Variants in B3GALNT2 observed in about 807,000 individuals in gnomAD.
B3GALNT2 encodes UDP-GalNAc:beta-1,3-N-acetylgalactosaminyltransferase 2.
B3GALNT2 carries 53 observed loss-of-function variants against 61.1 expected under a neutral mutation model. The observed-to-expected ratio is 0.87, with a 90% CI of 0.70 to 1.09. B3GALNT2 has a LOEUF of 1.09. Ranked by LOEUF, B3GALNT2 falls within the 50% of genes least tolerant of loss-of-function variation. The pLI is 0.00. For synonymous variants in B3GALNT2, 223 were observed against 237.4 expected (o/e 0.94, Z 0.56); for missense variants, 544 against 623.0 (o/e 0.87, Z 1.35).
downstream of B3GALNT2, chr1:235,442,843 C>T (rs779754010): frequency 6.2e-7 from 1 of 1,613,514 alleles, no homozygotes; most frequent in Non-Finnish European, 8.5e-7. Context: ...TTCTTTGTTT[C>T]TCTTAAAGCA....
At position 235,456,453 on chromosome 1, in the gene B3GALNT2, T is replaced by C. The variant is rs80238212; in HGVS notation, c.1026-769A>G. On this transcript the variant is annotated intron_variant, in intron 8 of 11. Coordinates refer to ENST00000366600, the MANE Select transcript of B3GALNT2 (RefSeq NM_152490.5). The stretch of plus-strand genomic sequence containing the variant: ...CCAAGAATGGTGAATTTAACAATAA[T>C]GGGTCCACACCAAATAGCATCACCC... Among the ~76,000 whole-genome samples the C allele has an allele frequency of 2.9e-3, 443 of 152,302 alleles. 2 individuals carry two copies. The highest frequency in any genetic ancestry group is 0.01 in the African/African-American group (434 of 41,574).
chr1:235,490,479 C>T (rs1434969994), intron 2 of B3GALNT2, among the ~76,000 whole-genome samples: 1 of 152,130 alleles, frequency 6.6e-6, no homozygotes, highest in Non-Finnish European at 1.5e-5. Flanking sequence ...GATCTGCCTG[C>T]CTTGGCCTCC....
Position 235,489,268 on chromosome 1 carries a change from A to C in B3GALNT2, c.261T>G (p.Arg87=). The C allele has an allele frequency of 6.2e-7, 1 of 1,613,478 alleles. No individual in the cohort carries two copies. The highest frequency in any genetic ancestry group is 8.5e-7 in the Non-Finnish European group (1 of 1,179,792). Residue 87 remains arginine (R), a splice_region_variant and synonymous_variant, in exon 3 of 12, where the codon CGT becomes CGG. Transcript: ENST00000366600. ...CACCTATTATGAACTTCACAAGCAC[A>C]CTGAGAGATGTGTTGGCATTAACAT... The part of the protein sequence containing the change: ...HLLQHPTLSQ[R]VLVKFIIGAH...
the B3GALNT2 span, among the ~76,000 whole-genome samples, chr1:235,439,897 G>C: frequency 6.6e-6 from 1 of 152,082 alleles, no homozygotes; most frequent in Admixed American, 6.5e-5. Flanking sequence ...CACCTCCTGG[G>C]TTCAAGTGAT....
In B3GALNT2 at chr1:235,504,216, G is replaced by C. The variant is rs895894076; in HGVS notation, c.37C>G (p.Leu13Val). 5.5e-6 allele frequency: 8 copies of C among 1,464,388 alleles called. No homozygotes were observed. Among genetic ancestry groups the C allele is most frequent in the South Asian group, 3.9e-5 (3 of 77,400 alleles). 90.7% of individuals were successfully genotyped at this position (1,464,388 alleles called of 1,614,324 possible). ...NWLVLLCPCV[L>V]GAALHLWLRL... ...AGCCAGAGGTGCAGCGCGGCCCCGA[G>C]CACACACGGGCACAGCAGCACCAGC... The change falls in exon 1 of 12, where the codon CTC becomes GTC. Residue 13 changes from leucine to valine, a missense_variant. Leu to Val is a conservative substitution (Grantham distance 32, BLOSUM62 1). Transcript: ENST00000366600.
chr1:235,490,144 A>T (rs1558438012), intron 2 of B3GALNT2, among the ~76,000 whole-genome samples: 2 of 151,680 alleles, frequency 1.3e-5, no homozygotes, highest in Admixed American at 1.3e-4. Flanking sequence ...CAATCTACTC[A>T]TTTTTTTTAC....
chr1:235,498,343 A>G (rs1000624741), intron 1 of B3GALNT2, among the ~76,000 whole-genome samples: 1 of 152,236 alleles, frequency 6.6e-6, no homozygotes, highest in Admixed American at 6.5e-5. Flanking sequence ...AACATGATAC[A>G]GAAGGACATA....
intron 1 of B3GALNT2, among the ~76,000 whole-genome samples, chr1:235,499,608 CAA>C (rs1173779100): frequency 3.3e-5 from 5 of 152,080 alleles, no homozygotes; most frequent in African/African-American, 1.2e-4. Context: ...AAATCACTGA[CAA>C]GAGATGGACA....
chr1:235,471,031 G>C, intron 5 of B3GALNT2, 71 bp from the exon 6 acceptor site: 1 of 1,560,520 alleles, frequency 6.4e-7, no homozygotes, highest in South Asian at 1.2e-5. Context: ...ATGCTTTCAG[G>C]CAAGATTTTT....
intron 5 of B3GALNT2, among the ~76,000 whole-genome samples, chr1:235,473,962 T>A (rs552018044): frequency 2.0e-5 from 3 of 152,208 alleles, no homozygotes; most frequent in African/African-American, 7.2e-5. Context: ...TAGGCTATGA[T>A]ACAACAAACA....
At chr1:235,504,113 G>T in intron 1 of B3GALNT2, 28 bp downstream of exon 1, 1 of 1,143,756 alleles carries the variant, frequency 8.7e-7, no homozygotes. Flanking sequence ...CCCGGCGGCC[G>T]CCAACCCGCC....
At chr1:235,457,674 G>C (rs1683229472) in intron 8 of B3GALNT2, among the ~76,000 whole-genome samples, 1 of 152,110 alleles carries the variant, frequency 6.6e-6, no homozygotes, top group East Asian at 1.9e-4. Context: ...TTTAGAATCA[G>C]GGAGGTAGTT....
chr1:235,495,211 T>C (rs2102864080), intron 1 of B3GALNT2, among the ~76,000 whole-genome samples: 1 of 152,356 alleles, frequency 6.6e-6, no homozygotes, highest in Admixed American at 6.5e-5. Flanking sequence ...GTTATTTAGC[T>C]TCTTGAGCCT....
At chr1:235,470,701 A>G in intron 6 of B3GALNT2, 149 bp downstream of exon 6, 1 of 1,233,680 alleles carries the variant, frequency 8.1e-7, no homozygotes, top group Non-Finnish European at 1.1e-6. Context: ...TTTACTATGA[A>G]GACAACAACA....
At chr1:235,475,385 GCTACA>G (rs1276130982) in intron 5 of B3GALNT2, among the ~76,000 whole-genome samples, 1 of 152,066 alleles carries the variant, frequency 6.6e-6, no homozygotes. Flanking sequence ...GCTTCAGTGA[GCTACA>G]CAATGAAAAC....
intron 1 of B3GALNT2, among the ~76,000 whole-genome samples, 187 bp downstream of exon 1, chr1:235,503,954 A>G (rs1685705340): frequency 2.0e-5 from 3 of 152,186 alleles, no homozygotes. Flanking sequence ...ACACGAAAAG[A>G]GAAAAGCTCC....
chr1:235,496,547 CTT>C (rs1396277043), intron 1 of B3GALNT2, among the ~76,000 whole-genome samples: 66 of 133,292 alleles, frequency 5.0e-4, no homozygotes, highest in Admixed American at 6.1e-4. Context: ...GTACTTGTTT[CTT>C]TTTTTTTTTT....
chr1:235,478,063 A>G (rs1015063204), intron 5 of B3GALNT2, among the ~76,000 whole-genome samples: 2 of 151,998 alleles, frequency 1.3e-5, no homozygotes, highest in African/African-American at 2.4e-5. Flanking sequence ...CTGAACCACT[A>G]TTCTTTTTTT....
intron 7 of B3GALNT2, among the ~76,000 whole-genome samples, chr1:235,460,616 C>A (rs1305530246): frequency 6.6e-6 from 1 of 151,242 alleles, no homozygotes; most frequent in East Asian, 1.9e-4. Context: ...TTCTATCACC[C>A]GGGCTAGAAT....
Sources: gnomAD v4.1 joint callset for allele counts (sites outside exome capture counted in the v4.1 genomes callset) on GRCh38, gnomAD v4.1.1 for gene constraint, MANE v1.5 for transcripts, NCBI Gene and HGNC (gene_info 2026-07-23, HGNC 2026-07-21) for gene names.